The following AKAP19 variants were observed in gnomAD, a reference collection of about 807,000 sequenced individuals.
AKAP19 encodes small A-kinase anchoring protein.
the AKAP19 span, among the ~76,000 whole-genome samples, chr2:189,883,794 A>G: frequency 1.8e-3 from 269 of 152,244 alleles, 1 homozygote; most frequent in Middle Eastern, 0.02. Flanking sequence ...CAGAGAATAT[A>G]GAGAGAAGAC....
the AKAP19 span, among the ~76,000 whole-genome samples, chr2:190,196,118 G>A: frequency 6.6e-6 from 1 of 151,814 alleles, no homozygotes; most frequent in Non-Finnish European, 1.5e-5. Flanking sequence ...TTTTTCATAT[G>A]TTGGTTTTCT....
the AKAP19 span, chr2:190,203,099 C>T: frequency 1.2e-5 from 2 of 167,040 alleles, no homozygotes; most frequent in Non-Finnish European, 2.9e-5. Flanking sequence ...GCATGATACG[C>T]ATATATCCTA....
At chr2:190,166,382 T>A in the AKAP19 span, among the ~76,000 whole-genome samples, 13 of 142,240 alleles carry the variant, frequency 9.1e-5, no homozygotes, top group African/African-American at 3.4e-4. Flanking sequence ...ATTGTTCCTA[T>A]CTTATATAAC....
the AKAP19 span, among the ~76,000 whole-genome samples, chr2:190,096,940 T>G: frequency 2.0e-5 from 3 of 152,160 alleles, no homozygotes; most frequent in African/African-American, 7.2e-5. Context: ...TGTGGTTCAG[T>G]CACTTCCTAA....
the AKAP19 span, among the ~76,000 whole-genome samples, chr2:189,987,026 G>C: frequency 6.6e-6 from 1 of 152,122 alleles, no homozygotes; most frequent in Non-Finnish European, 1.5e-5. Flanking sequence ...GTAGTTACTG[G>C]CATATAAAGG....
the AKAP19 span, among the ~76,000 whole-genome samples, chr2:189,921,986 G>A: frequency 4.6e-5 from 7 of 152,190 alleles, no homozygotes; most frequent in Non-Finnish European, 8.8e-5. Context: ...TAAGTATAAA[G>A]AAAGATAGGG....
At chr2:190,163,184 T>C in the AKAP19 span, among the ~76,000 whole-genome samples, 778 of 152,124 alleles carry the variant, frequency 5.1e-3, 2 homozygotes, top group Middle Eastern at 0.02. Flanking sequence ...CCTGTAATCC[T>C]AGCACTTTGG....
the AKAP19 span, among the ~76,000 whole-genome samples, chr2:190,031,661 C>T: frequency 2.6e-5 from 4 of 152,084 alleles, no homozygotes; most frequent in African/African-American, 9.7e-5. Flanking sequence ...TTAACTTCAA[C>T]ACCTTAGAAA....
At chr2:190,149,186 C>G in the AKAP19 span, among the ~76,000 whole-genome samples, 1 of 152,200 alleles carries the variant, frequency 6.6e-6, no homozygotes, top group Non-Finnish European at 1.5e-5. Flanking sequence ...TGGTCTTGAA[C>G]TCCCAACCTC....
the AKAP19 span, among the ~76,000 whole-genome samples, chr2:190,084,636 C>G: frequency 2.0e-5 from 3 of 152,178 alleles, no homozygotes; most frequent in Non-Finnish European, 4.4e-5. Flanking sequence ...ATTTAATTAA[C>G]TGACATCCCT....
At chr2:190,052,545 C>A in the AKAP19 span, among the ~76,000 whole-genome samples, 1 of 152,096 alleles carries the variant, frequency 6.6e-6, no homozygotes, top group Non-Finnish European at 1.5e-5. Context: ...GGGAATACAG[C>A]CAAGAGACAT....
the AKAP19 span, among the ~76,000 whole-genome samples, chr2:190,124,348 T>C: frequency 6.6e-6 from 1 of 152,230 alleles, no homozygotes; most frequent in Non-Finnish European, 1.5e-5. Context: ...ACCTAGGCTA[T>C]ATGGTATAGC....
the AKAP19 span, among the ~76,000 whole-genome samples, chr2:190,034,994 G>T: frequency 6.6e-6 from 1 of 151,916 alleles, no homozygotes; most frequent in Non-Finnish European, 1.5e-5. Context: ...CCAATGGCCA[G>T]TCTTGTTTTA....
At chr2:189,922,020 A>G in the AKAP19 span, among the ~76,000 whole-genome samples, 1 of 152,218 alleles carries the variant, frequency 6.6e-6, no homozygotes, top group Non-Finnish European at 1.5e-5. Flanking sequence ...CTGGATGAGC[A>G]CATAGCAGAA....
At chr2:190,109,625 A>T in the AKAP19 span, among the ~76,000 whole-genome samples, 1 of 152,060 alleles carries the variant, frequency 6.6e-6, no homozygotes, top group Non-Finnish European at 1.5e-5. Context: ...AGACCTAAAT[A>T]ATCATCAAGT....
chr2:190,057,243 C>T, the AKAP19 span: 113 of 1,612,718 alleles, frequency 7.0e-5, 1 homozygote, highest in Middle Eastern at 3.3e-4. Flanking sequence ...AAGTTATGAA[C>T]GCTTAATATA....
At chr2:189,884,294 G>A in the AKAP19 span, among the ~76,000 whole-genome samples, 2 of 152,026 alleles carry the variant, frequency 1.3e-5, no homozygotes, top group Admixed American at 1.3e-4. Context: ...ATCTTAACTT[G>A]CAAGATGGTG....
At chr2:189,997,480 G>A in the AKAP19 span, among the ~76,000 whole-genome samples, 2 of 152,130 alleles carry the variant, frequency 1.3e-5, no homozygotes, top group Non-Finnish European at 2.9e-5. Context: ...GGGATGGGGT[G>A]TGGTTCTTGA....
chr2:190,196,662 TG>T, the AKAP19 span, among the ~76,000 whole-genome samples: 1 of 152,188 alleles, frequency 6.6e-6, no homozygotes, highest in Admixed American at 6.5e-5. Context: ...TAAATGGTAT[TG>T]TTTTATTTCT....
Sources: allele counts gnomAD v4.1 joint callset (sites outside exome capture counted in the v4.1 genomes callset), GRCh38; gene constraint gnomAD v4.1.1; transcripts MANE v1.5; gene names NCBI Gene and HGNC (gene_info 2026-07-23, HGNC 2026-07-21).